DLGAP1: variants seen among roughly 807,000 people sequenced by gnomAD.
DLGAP1 encodes the protein DLG associated protein 1, also known as disks large-associated protein 1.
DLGAP1 carries 11 observed loss-of-function variants against 90.8 expected under a neutral mutation model. That is an observed-to-expected ratio of 0.12 (90% CI 0.08 to 0.20). The LOEUF (loss-of-function observed/expected upper bound fraction) is 0.20. Among genes scored for constraint, DLGAP1 ranks in the 10% least tolerant of loss-of-function variants. The pLI is 1.00. For synonymous variants in DLGAP1, 558 were observed against 540.7 expected, an observed-to-expected ratio of 1.03 and a Z score of -0.44; for missense variants, 1,050 against 1,333.8, an observed-to-expected ratio of 0.79 and a Z score of 3.31.
chr18:3,563,223 T>C (rs181789918), intron 9 of DLGAP1, among the ~76,000 whole-genome samples: 35 of 152,328 alleles, frequency 2.3e-4, no homozygotes, highest in African/African-American at 8.2e-4. Flanking sequence ...TTGAATATGA[T>C]ATGCTTAGGT....
chr18:3,675,784 C>CAGAGGGGA (rs1431757754), intron 7 of DLGAP1, among the ~76,000 whole-genome samples: 1 of 152,186 alleles, frequency 6.6e-6, no homozygotes. Flanking sequence ...TGAAGAGGGG[C>CAGAGGGGA]AGAGGGGATT....
At chr18:4,276,364 G>A (rs1397823006) in intron 1 of DLGAP1, among the ~76,000 whole-genome samples, 4 of 151,930 alleles carry the variant, frequency 2.6e-5, no homozygotes, top group African/African-American at 7.3e-5. Flanking sequence ...GGCTGGGCAC[G>A]TTGGCTTATC....
At chr18:4,388,838 C>A (rs924622888) in intron 1 of DLGAP1, among the ~76,000 whole-genome samples, 4 of 151,980 alleles carry the variant, frequency 2.6e-5, no homozygotes, top group Admixed American at 1.3e-4. Context: ...TGGCTACTAT[C>A]AAAACAAAAA....
chr18:3,988,869 G>C (rs2073903217), intron 3 of DLGAP1, among the ~76,000 whole-genome samples: 1 of 152,150 alleles, frequency 6.6e-6, no homozygotes. Flanking sequence ...TGTGGCGCTG[G>C]GTAGCTGTAA....
At chr18:3,933,727 C>T (rs1347045049) in intron 3 of DLGAP1, among the ~76,000 whole-genome samples, 1 of 152,228 alleles carries the variant, frequency 6.6e-6, no homozygotes, top group African/African-American at 2.4e-5. Flanking sequence ...TGAATGCCCC[C>T]TTTCTCATAC....
At chr18:4,387,365 G>T (rs1242139640) in intron 1 of DLGAP1, among the ~76,000 whole-genome samples, 1 of 152,180 alleles carries the variant, frequency 6.6e-6, no homozygotes, top group Non-Finnish European at 1.5e-5. Flanking sequence ...ATGTAATAAA[G>T]ATTTAAGCTG....
intron 1 of DLGAP1, among the ~76,000 whole-genome samples, chr18:4,348,506 A>G (rs1317710737): frequency 6.6e-6 from 1 of 151,488 alleles, no homozygotes; most frequent in Non-Finnish European, 1.5e-5. Context: ...CATATTTCCT[A>G]GCTCTGTCAG....
intron 7 of DLGAP1, among the ~76,000 whole-genome samples, chr18:3,616,759 A>G (rs1324430249): frequency 2.0e-5 from 3 of 152,064 alleles, no homozygotes; most frequent in Non-Finnish European, 4.4e-5. Flanking sequence ...GTCTCAAAAA[A>G]ACAAAAAGAA....
At chr18:4,093,393 G>T (rs1209104185) in intron 2 of DLGAP1, among the ~76,000 whole-genome samples, 1 of 152,126 alleles carries the variant, frequency 6.6e-6, no homozygotes, top group Non-Finnish European at 1.5e-5. Context: ...GGAACCAGAG[G>T]GACCAAATGC....
intron 2 of DLGAP1, among the ~76,000 whole-genome samples, chr18:4,144,540 G>C (rs1023230848): frequency 5.3e-5 from 8 of 152,202 alleles, no homozygotes; most frequent in Non-Finnish European, 8.8e-5. Context: ...GCCTCTTTTA[G>C]TGATATGAAG....
intron 2 of DLGAP1, among the ~76,000 whole-genome samples, chr18:4,056,270 T>G (rs2075215313): frequency 3.9e-5 from 6 of 152,142 alleles, no homozygotes; most frequent in Admixed American, 3.9e-4. Flanking sequence ...TTGGGCAGGC[T>G]GATGGGTGGC....
At chr18:3,631,128 G>C (rs2058509436) in intron 7 of DLGAP1, among the ~76,000 whole-genome samples, 1 of 151,720 alleles carries the variant, frequency 6.6e-6, no homozygotes, top group South Asian at 2.1e-4. Flanking sequence ...CTACAGGCAT[G>C]TGCCAGCACG....
At chr18:3,648,107 C>A (rs1161610476) in intron 7 of DLGAP1, among the ~76,000 whole-genome samples, 1 of 152,222 alleles carries the variant, frequency 6.6e-6, no homozygotes, top group Non-Finnish European at 1.5e-5. Context: ...TTTCCTTCTG[C>A]CTTCACTTAA....
At chr18:4,034,268 C>G (rs938666739) in intron 2 of DLGAP1, among the ~76,000 whole-genome samples, 44 of 151,238 alleles carry the variant, frequency 2.9e-4, no homozygotes, top group African/African-American at 1.0e-3. Context: ...TCTCAAACAC[C>G]TGACTTCAAA....
chr18:3,873,149 T>C (rs757112824), intron 4 of DLGAP1, among the ~76,000 whole-genome samples: 1 of 152,178 alleles, frequency 6.6e-6, no homozygotes, highest in African/African-American at 2.4e-5. Flanking sequence ...TCTCACAATG[T>C]TTTGTCAATT....
intron 3 of DLGAP1, among the ~76,000 whole-genome samples, chr18:3,965,689 T>A (rs2073311185): frequency 6.6e-6 from 1 of 152,156 alleles, no homozygotes; most frequent in Non-Finnish European, 1.5e-5. Context: ...GACTCACATC[T>A]GTAATCCCAG....
intron 7 of DLGAP1, among the ~76,000 whole-genome samples, chr18:3,720,609 C>T (rs558688340): frequency 5.3e-5 from 8 of 152,188 alleles, no homozygotes; most frequent in Non-Finnish European, 8.8e-5. Flanking sequence ...CTTAAAGTGG[C>T]TTTGCAGCAT....
chr18:3,850,871 A>G (rs1280490079), intron 4 of DLGAP1, among the ~76,000 whole-genome samples: 2 of 152,210 alleles, frequency 1.3e-5, no homozygotes, highest in African/African-American at 2.4e-5. Context: ...GAGATTTCTT[A>G]TAAAAAATCA....
chr18:4,249,102 C>A (rs2078719947), intron 1 of DLGAP1, among the ~76,000 whole-genome samples: 1 of 152,182 alleles, frequency 6.6e-6, no homozygotes, highest in Non-Finnish European at 1.5e-5. Context: ...CCTCCCTTTC[C>A]CTGCTCTATT....
Sources: allele counts gnomAD v4.1 joint callset (sites outside exome capture counted in the v4.1 genomes callset), GRCh38; gene constraint gnomAD v4.1.1; transcripts MANE v1.5; gene names NCBI Gene and HGNC (gene_info 2026-07-23, HGNC 2026-07-21).